Variants in ZNF407 observed in about 807,000 individuals in gnomAD.
The protein encoded by ZNF407 is zinc finger protein 407.
ZNF407 carries 17 observed loss-of-function variants against 131.2 expected under a neutral mutation model. The ratio of observed to expected loss-of-function variants is 0.13; its 90% confidence interval spans 0.09 to 0.19. The LOEUF (loss-of-function observed/expected upper bound fraction) is 0.19. Ranked by LOEUF, ZNF407 falls within the 10% of genes least tolerant of loss-of-function variation. The probability of loss-of-function intolerance (pLI) is 1.00; values close to 1 mark genes in which losing one functional copy is unlikely to be tolerated. For synonymous variants in ZNF407, 1,156 were observed against 1,062.0 expected (o/e 1.09, Z -1.72); for missense variants, 2,681 against 2,830.6 (o/e 0.95, Z 1.20).
At chr18:74,956,518 T>C (rs1972276854) in intron 8 of ZNF407, among the ~76,000 whole-genome samples, 1 of 152,208 alleles carries the variant, frequency 6.6e-6, no homozygotes. Flanking sequence ...TGAGCTCCTT[T>C]GTCATTTTTC....
intron 8 of ZNF407, among the ~76,000 whole-genome samples, chr18:75,057,044 T>A (rs1007378819): frequency 6.6e-6 from 1 of 152,192 alleles, no homozygotes; most frequent in Non-Finnish European, 1.5e-5. Flanking sequence ...TCCCAAATTT[T>A]TATGTGAAAA....
intron 8 of ZNF407, among the ~76,000 whole-genome samples, chr18:74,930,627 A>G (rs1220634074): frequency 6.6e-6 from 1 of 151,702 alleles, no homozygotes; most frequent in Non-Finnish European, 1.5e-5. Context: ...TCTTCATTCT[A>G]TTTCTTTTTA....
chr18:75,064,363 C>T lies in ZNF407; in HGVS notation c.6642C>T (p.Ser2214=). 6.3e-7 allele frequency: 1 copy of T among 1,580,636 alleles called. No homozygotes were observed. The highest frequency in any genetic ancestry group is 8.6e-7 in the Non-Finnish European group (1 of 1,163,936). The change falls in exon 9 of 9, where the codon AGC becomes AGT. Residue 2214 remains serine, a synonymous_variant. Coordinates refer to ENST00000299687, the MANE Select transcript of ZNF407 (RefSeq NM_017757.3). ...TAGGCACAGAGGCCGGGGCCCCAAG[C>T]AGGGCAGAGCAGCTGGCCAGCGTGG... ...ATLGTEAGAP[S]RAEQLASVVI... is the part of the protein sequence containing the mutation.
At chr18:74,662,934 C>G (rs952029743) in intron 3 of ZNF407, among the ~76,000 whole-genome samples, 1 of 152,184 alleles carries the variant, frequency 6.6e-6, no homozygotes, top group African/African-American at 2.4e-5. Context: ...TATGCCGCAT[C>G]AAACTGCCAG....
At chr18:74,966,576 G>T (rs1027465351) in intron 8 of ZNF407, among the ~76,000 whole-genome samples, 2 of 152,066 alleles carry the variant, frequency 1.3e-5, no homozygotes, top group African/African-American at 4.8e-5. Flanking sequence ...GCTCTGTAGT[G>T]TAATTTGAAG....
At chr18:75,054,176 C>T (rs1198685422) in intron 8 of ZNF407, among the ~76,000 whole-genome samples, 9 of 152,250 alleles carry the variant, frequency 5.9e-5, no homozygotes, top group Middle Eastern at 3.2e-3. Flanking sequence ...CAAGTGTACA[C>T]AAGCAGCTGC....
At chr18:74,980,050 G>A (rs1282037681) in intron 8 of ZNF407, among the ~76,000 whole-genome samples, 4 of 151,960 alleles carry the variant, frequency 2.6e-5, no homozygotes, top group South Asian at 2.1e-4. Flanking sequence ...TAAAATAACA[G>A]ATTTTAATAA....
intron 8 of ZNF407, among the ~76,000 whole-genome samples, chr18:74,997,445 G>A (rs1247043641): frequency 2.6e-5 from 4 of 152,092 alleles, no homozygotes; most frequent in Admixed American, 6.5e-5. Flanking sequence ...CAGGCCCATC[G>A]CAGACGTAAA....
chr18:74,943,950 C>T (rs893841832), intron 8 of ZNF407, among the ~76,000 whole-genome samples: 1 of 152,192 alleles, frequency 6.6e-6, no homozygotes, highest in Admixed American at 6.5e-5. Flanking sequence ...TTACCTGTAT[C>T]TCATCCAAAA....
chr18:74,931,599 TC>T (rs1186031750), intron 8 of ZNF407, among the ~76,000 whole-genome samples: 4 of 152,194 alleles, frequency 2.6e-5, no homozygotes, highest in African/African-American at 9.7e-5. Flanking sequence ...AGATCTCATT[TC>T]CTTGGGTATA....
At chr18:74,887,297 C>T (rs559988504) in intron 6 of ZNF407, among the ~76,000 whole-genome samples, 4 of 151,750 alleles carry the variant, frequency 2.6e-5, no homozygotes, top group African/African-American at 4.8e-5. Flanking sequence ...GTCATTTGAC[C>T]AGAGGTTTAG....
At chr18:74,680,622 G>T (rs1325579778) in intron 3 of ZNF407, among the ~76,000 whole-genome samples, 4 of 152,086 alleles carry the variant, frequency 2.6e-5, no homozygotes, top group Admixed American at 2.6e-4. Context: ...AGGAGTGATG[G>T]TTGAAGCTGG....
intron 3 of ZNF407, among the ~76,000 whole-genome samples, chr18:74,734,132 T>A (rs1247368094): frequency 6.6e-6 from 1 of 152,168 alleles, no homozygotes; most frequent in East Asian, 1.9e-4. Context: ...TCGTACGTGT[T>A]CGACGCTCCG....
At chr18:74,841,990 C>A (rs1437779418) in intron 4 of ZNF407, among the ~76,000 whole-genome samples, 1 of 152,086 alleles carries the variant, frequency 6.6e-6, no homozygotes, top group Admixed American at 6.5e-5. Flanking sequence ...ATATTATGTT[C>A]CTGAGGTGAG....
chr18:74,755,233 C>G (rs1042017024), intron 3 of ZNF407, among the ~76,000 whole-genome samples: 2 of 151,586 alleles, frequency 1.3e-5, no homozygotes, highest in African/African-American at 2.4e-5. Flanking sequence ...TTTTTTTGAG[C>G]CTATTTGTGT....
chr18:74,710,959 A>C (rs533800588), intron 3 of ZNF407, among the ~76,000 whole-genome samples: 1 of 152,196 alleles, frequency 6.6e-6, no homozygotes, highest in East Asian at 1.9e-4. Context: ...GTTTAAAATG[A>C]ATGATGAATC....
intron 3 of ZNF407, among the ~76,000 whole-genome samples, chr18:74,755,596 T>G (rs1222443547): frequency 7.6e-6 from 1 of 132,012 alleles, no homozygotes; most frequent in African/African-American, 2.8e-5. Context: ...TTTTTTTTTT[T>G]TTTTTTTTCT....
chr18:74,730,466 G>A (rs1198688931), intron 3 of ZNF407, among the ~76,000 whole-genome samples: 1 of 152,160 alleles, frequency 6.6e-6, no homozygotes, highest in Non-Finnish European at 1.5e-5. Flanking sequence ...TTGCTGCCTT[G>A]TGTCCTGTCA....
intron 8 of ZNF407, among the ~76,000 whole-genome samples, chr18:74,992,987 T>C (rs1972736411): frequency 6.6e-6 from 1 of 152,128 alleles, no homozygotes; most frequent in Non-Finnish European, 1.5e-5. Flanking sequence ...CAAACATTAG[T>C]GAGGACATGG....
Sources: gnomAD v4.1 joint callset for allele counts (sites outside exome capture counted in the v4.1 genomes callset) on GRCh38, gnomAD v4.1.1 for gene constraint, MANE v1.5 for transcripts, NCBI Gene and HGNC (gene_info 2026-07-23, HGNC 2026-07-21) for gene names.